Variants in PSMD13 observed in about 807,000 individuals in gnomAD.
PSMD13 encodes proteasome 26S subunit, non-ATPase 13, also known as 26S proteasome non-ATPase regulatory subunit 13.
A neutral mutation model predicts 57.4 loss-of-function variants in PSMD13; 8 were observed. The ratio of observed to expected loss-of-function variants is 0.14; its 90% CI spans 0.08 to 0.25. PSMD13 has a LOEUF of 0.25. Among genes scored for constraint, PSMD13 ranks in the 10% least tolerant of loss-of-function variants. PSMD13 has a pLI of 1.00. For missense variants in PSMD13, 400 were observed against 461.5 expected, an observed-to-expected ratio of 0.87 and a Z score of 1.22; for synonymous variants, 193 against 168.2, an observed-to-expected ratio of 1.15 and a Z score of -1.14.
At position 251,455 on chromosome 11, in the gene PSMD13, T is replaced by C; in HGVS notation, c.838-91T>C. ...ATGTGGGGTACTAATAAGATCTCTATTTTCAGAGCCAATATTGACAAAACA... is the reference window on the plus strand; with the variant it reads ...ATGTGGGGTACTAATAAGATCTCTACTTTCAGAGCCAATATTGACAAAACA... On this transcript the variant is annotated intron_variant, in intron 10 of 12. Transcript: ENST00000532097. The surrounding 1 kb of genome is among the most constrained non-coding windows in gnomAD (Gnocchi z 4.6). The C allele has an allele frequency of 4.3e-6, 5 of 1,168,754 alleles. No homozygotes were observed. 72.4% of individuals were successfully genotyped at this position (1,168,754 alleles called of 1,614,324 possible). A position where few individuals can be genotyped will look rare whatever the true frequency, so the allele number is the denominator to read the frequency against.
chr11:243,780 A>G (rs985401259), intron 2 of PSMD13, among the ~76,000 whole-genome samples: 1 of 152,236 alleles, frequency 6.6e-6, no homozygotes, highest in Non-Finnish European at 1.5e-5. Context: ...CTTATAGGTC[A>G]GTACTCTAAT....
chr11:248,985 T>C lies in PSMD13; in HGVS notation c.702T>C (p.Ile234=), dbSNP rs1245849555. The change falls in exon 9 of 13, where the codon ATT becomes ATC. Residue 234 remains isoleucine (I), a synonymous_variant. Transcript: ENST00000532097. Reference sequence around the variant, plus strand: ...GGAATACTGACCGGCAGTGGCTGATTGACACCCTCTATGCCTTCAACAGTG... The same window carrying C: ...GGAATACTGACCGGCAGTGGCTGATCGACACCCTCTATGCCTTCAACAGTG... ...SLRNTDRQWL[I]DTLYAFNSGN... 3.1e-6 allele frequency: 5 copies of C among 1,614,016 alleles called. No individual in the cohort carries two copies. The African/African-American group carries it at 5.3e-5, about 17-fold the overall frequency.
chr11:237,291 G>T, intron 1 of PSMD13, 147 bp downstream of exon 1: 2 of 736,702 alleles, frequency 2.7e-6, no homozygotes, highest in East Asian at 2.8e-5. Flanking sequence ...GGCTGTGCCG[G>T]CAAGGTTTGC....
intron 2 of PSMD13, 73 bp from the exon 3 acceptor site, chr11:243,968 G>C: frequency 6.9e-7 from 1 of 1,456,822 alleles, no homozygotes; most frequent in Admixed American, 1.9e-5. Flanking sequence ...CTTTACCAAA[G>C]ATAGTGTTTG....
rs755083436 is a variant in PSMD13, at chr11:237,009, C to G, written c.-41C>G. ...CCGGCAGCCATCCCCGCGGTGCTGA[C>G]ATCCCGGTTGTTCTTCTGTGCCGGG... On this transcript the variant is annotated 5_prime_UTR_variant, in exon 1 of 13. Coordinates refer to ENST00000532097, the MANE Select transcript of PSMD13 (RefSeq NM_002817.4). 2 of 1,526,928 alleles carry G rather than the reference C, an allele frequency of 1.3e-6. No individual in the cohort carries two copies. The highest frequency in any genetic ancestry group is 1.8e-6 in the Non-Finnish European group (2 of 1,102,740). The allele number at this position is 1,526,928 out of a possible 1,614,324, so 94.6% of individuals were successfully genotyped here.
In PSMD13 at chr11:244,715, C is replaced by T. The variant is rs771859457; in HGVS notation, c.350C>T (p.Ala117Val). The change falls in exon 6 of 13, where the codon GCA becomes GTA. Residue 117 changes from alanine (A) to valine (V), a missense_variant. Coordinates refer to ENST00000532097, the MANE Select transcript of PSMD13 (RefSeq NM_002817.4). ...GAGGCAGTGATCCTGTGTAAAACAG[C>T]AATTGGAGCTCTAAAATTAAACATC... ...SDEAVILCKT[A>V]IGALKLNIGD... The T allele has an allele frequency of 2.5e-6, 4 of 1,613,830 alleles. No individual in the cohort carries two copies. The South Asian group carries it at 4.4e-5, about 18-fold the overall frequency.
chr11:248,395 T>C (rs149886448), intron 7 of PSMD13, among the ~76,000 whole-genome samples: 14 of 152,176 alleles, frequency 9.2e-5, no homozygotes, highest in African/African-American at 2.9e-4. Context: ...AAGAGAACAA[T>C]AGACTTGCTG....
At chr11:242,356 T>C (rs1590247361) in intron 2 of PSMD13, among the ~76,000 whole-genome samples, 1 of 151,056 alleles carries the variant, frequency 6.6e-6, no homozygotes, top group East Asian at 1.9e-4. Context: ...CTGAAGGAAC[T>C]CCATTCTGTT....
At chr11:250,939 G>C (rs778643709) in intron 10 of PSMD13, 74 bp downstream of exon 10, 5 of 1,343,174 alleles carry the variant, frequency 3.7e-6, no homozygotes, top group Admixed American at 1.7e-5. Context: ...CACTCTCCAA[G>C]CCTGTGCTGA....
At chr11:248,285 A>G (rs1419233428) in intron 7 of PSMD13, 1 of 156,834 alleles carries the variant, frequency 6.4e-6, no homozygotes, top group African/African-American at 2.4e-5. Context: ...CTCACAAAAC[A>G]CTGTTGAAGC....
At chr11:248,043 A>G (rs771013801) in intron 7 of PSMD13, 3 of 152,482 alleles carry the variant, frequency 2.0e-5, no homozygotes, top group Non-Finnish European at 4.4e-5. Flanking sequence ...AAGCACCATG[A>G]CGCCAACACC....
chr11:249,560 C>T (rs116901479), intron 9 of PSMD13, among the ~76,000 whole-genome samples: 15,218 of 85,870 alleles, frequency 0.18, 1,126 homozygotes, highest in South Asian at 0.45. Flanking sequence ...GGGAGAGCGG[C>T]GGGTGCGGGG....
At chr11:238,287 G>T (rs1174650148) in intron 1 of PSMD13, among the ~76,000 whole-genome samples, 1 of 152,186 alleles carries the variant, frequency 6.6e-6, no homozygotes, top group Non-Finnish European at 1.5e-5. Flanking sequence ...CAAAGTTCTC[G>T]TTTCCAGTGA....
At chr11:250,933 C>T (rs1424243598) in intron 10 of PSMD13, 68 bp downstream of exon 10, 2 of 1,388,120 alleles carry the variant, frequency 1.4e-6, no homozygotes, top group Non-Finnish European at 2.0e-6. Flanking sequence ...GCGCTGCACT[C>T]TCCAAGCCTG....
At chr11:240,827 T>G (rs1859497785) in intron 2 of PSMD13, among the ~76,000 whole-genome samples, 1 of 152,158 alleles carries the variant, frequency 6.6e-6, no homozygotes, top group Non-Finnish European at 1.5e-5. Flanking sequence ...GCCATTTTAT[T>G]TATTTATTAT....
intron 9 of PSMD13, 136 bp downstream of exon 9, chr11:249,193 C>G: frequency 1.6e-6 from 2 of 1,263,012 alleles, no homozygotes; most frequent in Non-Finnish European, 2.2e-6. Context: ...CTAGTCCTTG[C>G]TCTCATAGAG....
At chr11:238,256 C>G (rs1048956468) in intron 1 of PSMD13, among the ~76,000 whole-genome samples, 7 of 152,188 alleles carry the variant, frequency 4.6e-5, no homozygotes, top group African/African-American at 1.4e-4. Context: ...GCCAGCATCT[C>G]AAGTTAGATA....
intron 6 of PSMD13, among the ~76,000 whole-genome samples, chr11:246,899 T>C (rs1859659282): frequency 6.6e-6 from 1 of 152,242 alleles, no homozygotes; most frequent in African/African-American, 2.4e-5. Flanking sequence ...CCTGACTCAT[T>C]TGTAAGTGTT....
intron 1 of PSMD13, among the ~76,000 whole-genome samples, chr11:237,713 C>A (rs1204368588): frequency 2.0e-5 from 3 of 152,202 alleles, no homozygotes; most frequent in Non-Finnish European, 4.4e-5. Context: ...ATTGTCTTTA[C>A]CTTCCATTGT....
Sources: allele counts gnomAD v4.1 joint callset (sites outside exome capture counted in the v4.1 genomes callset), GRCh38; gene constraint gnomAD v4.1.1; non-coding constraint Gnocchi (gnomAD v3.1); transcripts MANE v1.5; gene names NCBI Gene and HGNC (gene_info 2026-07-23, HGNC 2026-07-21).